ERCC6L2: variants seen among roughly 807,000 people sequenced by gnomAD.
ERCC6L2 encodes ERCC excision repair 6 like 2, also known as DNA excision repair protein ERCC-6-like 2.
A neutral mutation model predicts 132.0 loss-of-function variants in ERCC6L2; 77 were observed. The observed-to-expected ratio is 0.58, with a 90% CI of 0.49 to 0.71. The LOEUF is 0.71. ERCC6L2 is among the 30% of genes least tolerant of loss of function. ERCC6L2 has a pLI of 0.00. For missense variants in ERCC6L2, 1,542 were observed against 1,837.6 expected (o/e 0.84, Z 2.94); for synonymous variants, 583 against 632.4 (o/e 0.92, Z 1.17).
chr9:96,009,002 C>T (rs2133215311), intron 18 of ERCC6L2, among the ~76,000 whole-genome samples: 1 of 152,326 alleles, frequency 6.6e-6, no homozygotes. Context: ...AGGTATGCAC[C>T]ATGGTGCTAT....
chr9:95,894,998 A>G (rs908371421), intron 2 of ERCC6L2, among the ~76,000 whole-genome samples: 10 of 152,160 alleles, frequency 6.6e-5, no homozygotes, highest in African/African-American at 2.2e-4. Flanking sequence ...AAGGTTGACA[A>G]TCATGTTATT....
At chr9:95,953,528 T>C (rs1831445707) in intron 12 of ERCC6L2, among the ~76,000 whole-genome samples, 1 of 151,510 alleles carries the variant, frequency 6.6e-6, no homozygotes, top group East Asian at 2.0e-4. Context: ...TGAGCCTAGA[T>C]TGAGCCATTG....
At chr9:95,966,461 CT>C in intron 13 of ERCC6L2, 100 bp from the exon 14 acceptor site, 1 of 1,113,856 alleles carries the variant, frequency 9.0e-7, no homozygotes, top group Non-Finnish European at 1.2e-6. Flanking sequence ...GAGATTCTGC[CT>C]GCTCCAGCTA....
At position 95,966,570 on chromosome 9, in the gene ERCC6L2, C is replaced by G. The variant is rs778691100; in HGVS notation, c.1956C>G (p.His652Gln). ...YLRQIYKQQLHCVVVGSENAK... is the reference protein window; with the variant it reads ...YLRQIYKQQLQCVVVGSENAK... ...TGTTTTTTCTGTTTTAGCAACTTCA[C>G]TGTGTGGTGGTTGGAAGTGAAAATG... The change falls in exon 14 of 19, where the codon CAC (histidine) becomes CAG (glutamine). Residue 652 changes from histidine to glutamine, a missense_variant. His to Gln is a conservative substitution (Grantham distance 24). Coordinates refer to ENST00000653738, the MANE Select transcript of ERCC6L2 (RefSeq NM_020207.7). The G allele has an allele frequency of 6.1e-6, 9 of 1,487,112 alleles. No homozygotes were observed. The highest frequency in any genetic ancestry group is 3.6e-4 in the Middle Eastern group (2 of 5,556). 92.1% of individuals were successfully genotyped at this position (1,487,112 alleles called of 1,614,324 possible).
Position 95,941,438 on chromosome 9 carries a change from T to A in ERCC6L2, c.1752-16T>A. 1 of 1,593,630 alleles carries A rather than the reference T, an allele frequency of 6.3e-7. No individual in the cohort carries two copies. Among genetic ancestry groups the A allele is most frequent in the South Asian group, 1.1e-5 (1 of 87,984 alleles). ...TTGCTGTTCTAATGTGCTTTTTTTT[T>A]TTCTCTTTCCTCCAGGGCTGGTGGA... is the stretch of plus-strand genomic sequence containing the variant. On this transcript the variant is annotated splice_polypyrimidine_tract_variant and intron_variant, in intron 11 of 18. Coordinates refer to ENST00000653738, the MANE Select transcript of ERCC6L2 (RefSeq NM_020207.7).
At chr9:95,877,735 G>A (rs1827357188) in intron 1 of ERCC6L2, among the ~76,000 whole-genome samples, 2 of 151,726 alleles carry the variant, frequency 1.3e-5, no homozygotes, top group African/African-American at 4.8e-5. Context: ...GAGCTCAGGA[G>A]TTGGAGTTTA....
At chr9:95,936,885 C>A (rs1464886908) in intron 11 of ERCC6L2, among the ~76,000 whole-genome samples, 3 of 152,126 alleles carry the variant, frequency 2.0e-5, no homozygotes, top group African/African-American at 4.8e-5. Flanking sequence ...AAGTATGTAA[C>A]CTTTTGGGAT....
intron 2 of ERCC6L2, among the ~76,000 whole-genome samples, chr9:95,893,370 G>A (rs759302217): frequency 6.6e-6 from 1 of 152,090 alleles, no homozygotes; most frequent in Non-Finnish European, 1.5e-5. Flanking sequence ...TTGTTTAAGA[G>A]TTTGGCTTCT....
intron 18 of ERCC6L2, among the ~76,000 whole-genome samples, chr9:96,010,376 G>A (rs978948474): frequency 3.9e-5 from 6 of 152,194 alleles, no homozygotes; most frequent in East Asian, 1.9e-4. Flanking sequence ...CCTGGTCTAC[G>A]TGGCAGAAAG....
At chr9:95,908,823 A>G (rs1456416849) in intron 4 of ERCC6L2, among the ~76,000 whole-genome samples, 1 of 152,208 alleles carries the variant, frequency 6.6e-6, no homozygotes. Context: ...AGTTAATGAT[A>G]TTCCCCCAAA....
intron 2 of ERCC6L2, among the ~76,000 whole-genome samples, chr9:95,885,416 C>G (rs1020910291): frequency 3.9e-5 from 6 of 152,194 alleles, no homozygotes; most frequent in African/African-American, 1.4e-4. Context: ...TGTTCAACAC[C>G]ATGCAGTTCA....
At chr9:95,939,357 A>G (rs1830697169) in intron 11 of ERCC6L2, among the ~76,000 whole-genome samples, 1 of 148,510 alleles carries the variant, frequency 6.7e-6, no homozygotes, top group African/African-American at 2.5e-5. Flanking sequence ...AGGTGCTCTT[A>G]GTTTTCGTTA....
At chr9:95,892,147 C>A (rs73534628) in intron 2 of ERCC6L2, among the ~76,000 whole-genome samples, 3,815 of 151,796 alleles carry the variant, frequency 0.025, 170 homozygotes, top group African/African-American at 0.089. Context: ...TTATTCTACT[C>A]CTTGTTTTTT....
chr9:95,941,314 A>G (rs774762123), intron 11 of ERCC6L2, 140 bp from the exon 12 acceptor site: 24 of 552,592 alleles, frequency 4.3e-5, no homozygotes, highest in Admixed American at 1.3e-4. Flanking sequence ...GCATATTTGT[A>G]TTTTAATCAC....
Position 95,914,068 on chromosome 9 carries a change from G to T in ERCC6L2, c.789-1600G>T, listed in dbSNP as rs572729189. On this transcript the variant is annotated intron_variant, in intron 4 of 18. Transcript: ENST00000653738. ...TATATGTTTAACTTTTTAAGAAACC[G>T]CCATCTGTTTTAGAACAATCGCTGT... 2.0e-5 allele frequency among the ~76,000 whole-genome samples: 3 copies of T among 152,218 alleles called. No individual in the cohort carries two copies. In the East Asian group the frequency reaches 5.8e-4, roughly 29 times the overall value.
intron 4 of ERCC6L2, among the ~76,000 whole-genome samples, chr9:95,910,032 G>A (rs1011351151): frequency 1.2e-4 from 18 of 152,126 alleles, no homozygotes; most frequent in Admixed American, 2.0e-4. Context: ...TGTGCACTTG[G>A]AAAACAATGT....
At chr9:95,904,680 T>C (rs189411007) in intron 3 of ERCC6L2, among the ~76,000 whole-genome samples, 2 of 149,858 alleles carry the variant, frequency 1.3e-5, no homozygotes, top group East Asian at 1.9e-4. Context: ...ATAATTGTTA[T>C]GTTATTATTA....
chr9:95,897,826 T>C (rs1413160374), intron 2 of ERCC6L2, 23 bp from the exon 3 acceptor site: 1 of 1,611,696 alleles, frequency 6.2e-7, no homozygotes, highest in East Asian at 2.2e-5. Context: ...TACACAGTGA[T>C]TGAAAAAGTC....
intron 12 of ERCC6L2, 61 bp downstream of exon 12, chr9:95,941,610 A>G: frequency 7.9e-7 from 1 of 1,259,272 alleles, no homozygotes. Context: ...AATACTCTTG[A>G]ACTTTTAAGG....
Sources: gnomAD v4.1 joint callset for allele counts (sites outside exome capture counted in the v4.1 genomes callset) on GRCh38, gnomAD v4.1.1 for gene constraint, MANE v1.5 for transcripts, NCBI Gene and HGNC (gene_info 2026-07-23, HGNC 2026-07-21) for gene names.